PDLIM5: variants seen among roughly 807,000 people sequenced by gnomAD.
The protein encoded by PDLIM5 is PDZ and LIM domain 5.
In PDLIM5, 34 loss-of-function variants were observed where a neutral mutation model predicts 64.2. That is an observed-to-expected ratio of 0.53 (90% confidence interval 0.40 to 0.71). PDLIM5 has a LOEUF of 0.71. Ranked by LOEUF, PDLIM5 falls within the 30% of genes least tolerant of loss-of-function variation. The pLI is 0.00. For synonymous variants in PDLIM5, 253 were observed against 269.1 expected (o/e 0.94, Z 0.59); for missense variants, 683 against 733.6 (o/e 0.93, Z 0.80).
chr4:94,471,647 G>A (rs1724878626), intron 2 of PDLIM5, among the ~76,000 whole-genome samples: 1 of 152,128 alleles, frequency 6.6e-6, no homozygotes, highest in Non-Finnish European at 1.5e-5. Context: ...GATCATGGCT[G>A]TGTAATTTAC....
At chr4:94,524,384 A>G (rs1018931823) in intron 3 of PDLIM5, among the ~76,000 whole-genome samples, 3 of 151,054 alleles carry the variant, frequency 2.0e-5, no homozygotes, top group Admixed American at 6.6e-5. Flanking sequence ...AAAAAAAAAA[A>G]AAAAAAAAAA....
chr4:94,607,867 C>T (rs1232013441), intron 7 of PDLIM5, among the ~76,000 whole-genome samples: 1 of 152,130 alleles, frequency 6.6e-6, no homozygotes, highest in Non-Finnish European at 1.5e-5. Context: ...TGGGGGAAAA[C>T]AGCCCATATT....
intron 3 of PDLIM5, among the ~76,000 whole-genome samples, chr4:94,556,833 A>C (rs953495410): frequency 2.0e-5 from 3 of 151,994 alleles, no homozygotes; most frequent in African/African-American, 7.3e-5. Context: ...AGATTGCAAA[A>C]ATTTTCTCCC....
intron 9 of PDLIM5, among the ~76,000 whole-genome samples, chr4:94,644,280 A>T (rs1741230630): frequency 6.6e-6 from 1 of 152,176 alleles, no homozygotes; most frequent in Admixed American, 6.5e-5. Flanking sequence ...GAAGTTGCAT[A>T]TGTAGTAGAT....
At chr4:94,586,231 G>A (rs746387514) in intron 6 of PDLIM5, among the ~76,000 whole-genome samples, 177 bp from the exon 7 acceptor site, 2 of 152,082 alleles carry the variant, frequency 1.3e-5, no homozygotes, top group Non-Finnish European at 2.9e-5. Flanking sequence ...GAAAAGTATA[G>A]ATGTAATAGT....
intron 2 of PDLIM5, among the ~76,000 whole-genome samples, chr4:94,465,461 C>A (rs558156933): frequency 1.3e-5 from 2 of 152,152 alleles, no homozygotes; most frequent in Non-Finnish European, 2.9e-5. Flanking sequence ...AGTGCAGTGG[C>A]ATGATCTCGG....
chr4:94,488,183 A>G (rs985232880), intron 2 of PDLIM5, among the ~76,000 whole-genome samples: 3 of 152,178 alleles, frequency 2.0e-5, no homozygotes, highest in South Asian at 2.1e-4. Flanking sequence ...TGAAATCAAC[A>G]TTTAGATTGA....
intron 2 of PDLIM5, among the ~76,000 whole-genome samples, chr4:94,459,809 A>G (rs927561597): frequency 2.9e-4 from 44 of 152,230 alleles, no homozygotes; most frequent in African/African-American, 1.0e-3. Flanking sequence ...GATGAAATTT[A>G]AACACCTCAA....
chr4:94,563,377 C>T (rs1734007236), intron 3 of PDLIM5, among the ~76,000 whole-genome samples: 1 of 152,084 alleles, frequency 6.6e-6, no homozygotes, highest in Non-Finnish European at 1.5e-5. Context: ...TTTTTAAATT[C>T]CTTGATTCTT....
intron 7 of PDLIM5, among the ~76,000 whole-genome samples, chr4:94,606,672 C>T (rs1361118125): frequency 6.6e-6 from 1 of 152,142 alleles, no homozygotes; most frequent in African/African-American, 2.4e-5. Context: ...AGAGTTCACT[C>T]TGGTAGCTGT....
At chr4:94,523,904 G>A in intron 3 of PDLIM5, 29 bp downstream of exon 3, 10 of 1,580,334 alleles carry the variant, frequency 6.3e-6, no homozygotes, top group Non-Finnish European at 6.9e-6. Context: ...GTCCCTGAAA[G>A]AGAAAACAAC....
chr4:94,542,158 A>G (rs1731863068), intron 3 of PDLIM5, among the ~76,000 whole-genome samples: 1 of 152,080 alleles, frequency 6.6e-6, no homozygotes, highest in Non-Finnish European at 1.5e-5. Flanking sequence ...CTAAAAATAC[A>G]AAAATTAGCC....
At chr4:94,521,493 A>G (rs982409351) in intron 2 of PDLIM5, among the ~76,000 whole-genome samples, 37 of 152,134 alleles carry the variant, frequency 2.4e-4, no homozygotes, top group Admixed American at 7.2e-4. Flanking sequence ...CCATGTGGCT[A>G]TAGGATTCCT....
At chr4:94,470,448 T>C (rs1290856818) in intron 2 of PDLIM5, among the ~76,000 whole-genome samples, 1 of 152,190 alleles carries the variant, frequency 6.6e-6, no homozygotes, top group African/African-American at 2.4e-5. Flanking sequence ...AAAGTGAGTG[T>C]TAGGATGTTT....
In PDLIM5 at chr4:94,585,490, T is replaced by C. The variant is rs2110313171; in HGVS notation, c.711-75T>C. ...GAAGATTAATCATATAAATTATAAA[T>C]AATTTAGTAGAAGATATTTTATCCT... On this transcript the variant is annotated intron_variant, in intron 5 of 12. Transcript: ENST00000317968. 3 of 828,636 alleles carry C rather than the reference T, an allele frequency of 3.6e-6. 1 individual carries two copies. In the South Asian group the frequency reaches 8.9e-5, roughly 24 times the overall value. The allele number at this position is 828,636 out of a possible 1,614,324, so 51.3% of individuals were successfully genotyped here. A position where few individuals can be genotyped will look rare whatever the true frequency, so the allele number is the denominator to read the frequency against.
intron 7 of PDLIM5, among the ~76,000 whole-genome samples, chr4:94,614,075 G>T (rs1265512224): frequency 6.7e-6 from 1 of 148,470 alleles, no homozygotes; most frequent in Non-Finnish European, 1.5e-5. Context: ...TGATTCTCCT[G>T]CCTCAGCCTC....
At chr4:94,512,195 A>T (rs544063762) in intron 2 of PDLIM5, among the ~76,000 whole-genome samples, 6 of 152,014 alleles carry the variant, frequency 3.9e-5, no homozygotes, top group African/African-American at 1.4e-4. Flanking sequence ...TAATTTTTGT[A>T]ATTTTAGTAG....
intron 3 of PDLIM5, among the ~76,000 whole-genome samples, chr4:94,554,824 G>T (rs577978444): frequency 5.9e-5 from 9 of 152,068 alleles, no homozygotes; most frequent in Non-Finnish European, 8.8e-5. Context: ...TGTGTATACC[G>T]AATGGTCCTC....
At chr4:94,481,919 T>C (rs1019879651) in intron 2 of PDLIM5, among the ~76,000 whole-genome samples, 1 of 152,184 alleles carries the variant, frequency 6.6e-6, no homozygotes, top group African/African-American at 2.4e-5. Context: ...ATTCCAGTTT[T>C]TAAAGCTTAC....
Sources: allele counts gnomAD v4.1 joint callset (sites outside exome capture counted in the v4.1 genomes callset), GRCh38; gene constraint gnomAD v4.1.1; transcripts MANE v1.5; gene names NCBI Gene and HGNC (gene_info 2026-07-23, HGNC 2026-07-21).